DPYD: variants seen among roughly 807,000 people sequenced by gnomAD.
DPYD encodes dihydropyrimidine dehydrogenase.
DPYD carries 109 observed loss-of-function variants against 116.2 expected under a neutral mutation model. The observed-to-expected ratio is 0.94, with a 90% confidence interval of 0.80 to 1.10. The LOEUF (loss-of-function observed/expected upper bound fraction) is 1.10. Among genes scored for constraint, DPYD ranks in the 50% least tolerant of loss-of-function variants. The pLI is 0.00. For synonymous variants in DPYD, 440 were observed against 432.0 expected, an observed-to-expected ratio of 1.02 and a Z score of -0.23; for missense variants, 1,302 against 1,254.5, an observed-to-expected ratio of 1.04 and a Z score of -0.57.
intron 3 of DPYD, among the ~76,000 whole-genome samples, chr1:97,817,305 T>C (rs1668674133): frequency 6.6e-6 from 1 of 152,112 alleles, no homozygotes; most frequent in South Asian, 2.1e-4. Context: ...AAACAACTTG[T>C]CAGAATGGGA....
chr1:97,843,797 T>TATTC (rs1353695940), intron 2 of DPYD, among the ~76,000 whole-genome samples: 1 of 152,208 alleles, frequency 6.6e-6, no homozygotes, highest in African/African-American at 2.4e-5. Context: ...TCTAAATATT[T>TATTC]ATTCTAAATA....
At chr1:97,108,810 T>C (rs1439635913) in intron 20 of DPYD, among the ~76,000 whole-genome samples, 1 of 152,032 alleles carries the variant, frequency 6.6e-6, no homozygotes, top group South Asian at 2.1e-4. Context: ...TGAGACACAC[T>C]CTATAGAAAA....
chr1:97,422,722 G>T (rs1286044507), intron 14 of DPYD, among the ~76,000 whole-genome samples: 1 of 152,090 alleles, frequency 6.6e-6, no homozygotes, highest in Non-Finnish European at 1.5e-5. Context: ...CAGTATTCAA[G>T]AAAACATATA....
chr1:97,907,143 C>A (rs980676447), intron 1 of DPYD, among the ~76,000 whole-genome samples: 28 of 152,018 alleles, frequency 1.8e-4, no homozygotes, highest in Non-Finnish European at 1.5e-4. Context: ...CATCACATTA[C>A]CCAAAATCGT....
At chr1:97,867,144 T>A (rs1005288189) in intron 2 of DPYD, among the ~76,000 whole-genome samples, 1 of 151,642 alleles carries the variant, frequency 6.6e-6, no homozygotes, top group Non-Finnish European at 1.5e-5. Context: ...TAACAGAGGG[T>A]CACTTTAGAG....
At chr1:97,293,544 T>A (rs1666340589) in intron 18 of DPYD, among the ~76,000 whole-genome samples, 1 of 152,240 alleles carries the variant, frequency 6.6e-6, no homozygotes, top group South Asian at 2.1e-4. Flanking sequence ...GCTCCCAGCA[T>A]CTGACATCTA....
At chr1:97,456,857 T>C (rs963482737) in intron 13 of DPYD, among the ~76,000 whole-genome samples, 1 of 152,100 alleles carries the variant, frequency 6.6e-6, no homozygotes, top group Admixed American at 6.6e-5. Flanking sequence ...AAACTCTCCA[T>C]AGTCTTGAAT....
intron 13 of DPYD, among the ~76,000 whole-genome samples, chr1:97,484,193 T>C (rs1376782933): frequency 6.6e-6 from 1 of 152,142 alleles, no homozygotes; most frequent in Non-Finnish European, 1.5e-5. Context: ...TAATCCCAGC[T>C]ACTCAGGAGG....
chr1:97,719,145 A>G (rs755172823), intron 5 of DPYD, among the ~76,000 whole-genome samples: 1 of 145,480 alleles, frequency 6.9e-6, no homozygotes, highest in Non-Finnish European at 1.5e-5. Flanking sequence ...TGACAACACA[A>G]GATCCACCCC....
chr1:97,328,337 A>G (rs570353356), intron 16 of DPYD, among the ~76,000 whole-genome samples: 1 of 152,320 alleles, frequency 6.6e-6, no homozygotes, highest in Non-Finnish European at 1.5e-5. Flanking sequence ...AGAAAGAGAC[A>G]ATAGCCTATA....
intron 8 of DPYD, among the ~76,000 whole-genome samples, chr1:97,664,534 A>AAT (rs537126613): frequency 6.1e-4 from 92 of 151,970 alleles, no homozygotes; most frequent in African/African-American, 1.5e-3. Context: ...ATATCTACAT[A>AAT]ATATATATAT....
At chr1:97,331,188 T>C (rs767098056) in intron 16 of DPYD, among the ~76,000 whole-genome samples, 5 of 151,972 alleles carry the variant, frequency 3.3e-5, no homozygotes, top group Non-Finnish European at 5.9e-5. Context: ...AACCTATATA[T>C]TGAGGATGGG....
chr1:97,262,876 C>G (rs2100856708), intron 18 of DPYD, among the ~76,000 whole-genome samples: 1 of 152,128 alleles, frequency 6.6e-6, no homozygotes. Flanking sequence ...CTAGTATATT[C>G]TCAAATCAAA....
chr1:97,913,566 A>T (rs1053414120), intron 1 of DPYD, among the ~76,000 whole-genome samples: 4 of 152,160 alleles, frequency 2.6e-5, no homozygotes, highest in Non-Finnish European at 5.9e-5. Flanking sequence ...TATTTTAATT[A>T]ACAAATAGTA....
At position 97,744,711 on chromosome 1, in the gene DPYD, A is replaced by G. The variant is rs72734022; in HGVS notation, c.234-4232T>C. On this transcript the variant is annotated intron_variant, in intron 3 of 22. Transcript: ENST00000370192. ...CATTTGGAAAGTCTACCTAATTTAC[A>G]TGTATCAGATGGATTCAAAACCTTG... 3.4e-3 allele frequency among the ~76,000 whole-genome samples: 524 copies of G among 152,136 alleles called. 5 individuals carry two copies. Among genetic ancestry groups the G allele is most frequent in the African/African-American group, 0.012 (493 of 41,550 alleles).
intron 20 of DPYD, among the ~76,000 whole-genome samples, chr1:97,119,553 C>T (rs897860536): frequency 4.6e-5 from 7 of 152,058 alleles, no homozygotes; most frequent in African/African-American, 1.4e-4. Flanking sequence ...TGTTAGGATT[C>T]TCAATATCTA....
intron 8 of DPYD, among the ~76,000 whole-genome samples, chr1:97,628,144 C>T (rs1364875962): frequency 6.6e-6 from 1 of 151,952 alleles, no homozygotes; most frequent in Non-Finnish European, 1.5e-5. Flanking sequence ...TTTCATGGAC[C>T]AAATCCTCCT....
At chr1:97,724,028 AAG>A (rs1663070283) in intron 4 of DPYD, among the ~76,000 whole-genome samples, 1 of 151,710 alleles carries the variant, frequency 6.6e-6, no homozygotes, top group African/African-American at 2.4e-5. Context: ...AGTAGAATAA[AAG>A]ACAAAAAATC....
At chr1:97,844,102 A>G (rs889179727) in intron 2 of DPYD, among the ~76,000 whole-genome samples, 1 of 152,222 alleles carries the variant, frequency 6.6e-6, no homozygotes, top group East Asian at 1.9e-4. Flanking sequence ...AGACCCTAAA[A>G]GAGAGTCAGT....
Sources: allele counts gnomAD v4.1 joint callset (sites outside exome capture counted in the v4.1 genomes callset), GRCh38; gene constraint gnomAD v4.1.1; transcripts MANE v1.5; gene names NCBI Gene and HGNC (gene_info 2026-07-23, HGNC 2026-07-21).